The following TET3 variants were observed in gnomAD, a reference collection of about 807,000 sequenced individuals.
The protein encoded by TET3 is methylcytosine dioxygenase TET3.
In TET3, 19 loss-of-function variants were observed where a neutral mutation model predicts 141.4. The observed-to-expected ratio is 0.13, with a 90% confidence interval of 0.09 to 0.20. The LOEUF (loss-of-function observed/expected upper bound fraction) is 0.20. TET3 is among the 10% of genes least tolerant of loss of function. TET3 has a pLI of 1.00. For synonymous variants in TET3, 1,043 were observed against 980.9 expected (o/e 1.06, Z -1.18); for missense variants, 1,874 against 2,356.9 (o/e 0.80, Z 4.24).
At chr2:74,050,130 A>G (rs1041532849) in intron 4 of TET3, among the ~76,000 whole-genome samples, 1 of 152,182 alleles carries the variant, frequency 6.6e-6, no homozygotes, top group Non-Finnish European at 1.5e-5. Context: ...TCCTTAGCCA[A>G]TATTTTAATT....
chr2:74,070,425 A>C (rs1041815110), intron 4 of TET3, among the ~76,000 whole-genome samples: 4 of 152,192 alleles, frequency 2.6e-5, no homozygotes, highest in East Asian at 1.9e-4. Flanking sequence ...TGATTCAGTT[A>C]TCTCTCACTG....
chr2:74,115,431 G>A, the TET3 span, among the ~76,000 whole-genome samples: 1 of 152,142 alleles, frequency 6.6e-6, no homozygotes, highest in Non-Finnish European at 1.5e-5. Context: ...GGGGAGGATG[G>A]GAGACGACAC....
At chr2:74,096,776 AAAAAGAAAG>A (rs1274459555) in intron 10 of TET3, among the ~76,000 whole-genome samples, 31 of 148,584 alleles carry the variant, frequency 2.1e-4, no homozygotes, top group Non-Finnish European at 3.7e-4. Flanking sequence ...CTCAAAAAAA[AAAAAGAAAG>A]AAAGAAAGAA....
chr2:74,129,568 C>T, the TET3 span, among the ~76,000 whole-genome samples: 1 of 151,362 alleles, frequency 6.6e-6, no homozygotes, highest in Non-Finnish European at 1.5e-5. Context: ...AGCAGGCAGA[C>T]TATAGTGAGC....
chr2:74,073,458 G>A (rs1193066660), intron 4 of TET3, 91 bp from the exon 5 acceptor site: 15 of 876,942 alleles, frequency 1.7e-5, no homozygotes, highest in Non-Finnish European at 2.4e-5. Flanking sequence ...TTTCTAGCAT[G>A]CCTATTAACT....
chr2:74,101,498 A>C lies in TET3; in HGVS notation c.4710A>C (p.Ala1570=). ...GAGAGGAGGGCAGGATTCCAGCCGC[A>C]GGGGCCAGCCAGCTGGACAGGGCCT... The part of the protein sequence containing the change: ...MKGEEGRIPA[A]GASQLDRAWQ... The change falls in exon 12 of 12, where the codon GCA becomes GCC. Residue 1570 remains alanine (A), a synonymous_variant. Coordinates refer to ENST00000409262, the MANE Select transcript of TET3 (RefSeq NM_001287491.2). The surrounding 1 kb of genome is among the most constrained non-coding windows in gnomAD (Gnocchi z 8.5). 1 of 1,612,994 alleles carries C rather than the reference A, an allele frequency of 6.2e-7. No individual in the cohort carries two copies. The highest frequency in any genetic ancestry group is 1.7e-4 in the Middle Eastern group (1 of 6,016).
chr2:74,088,770 A>G (rs1265961359), intron 7 of TET3, among the ~76,000 whole-genome samples: 2 of 152,092 alleles, frequency 1.3e-5, no homozygotes, highest in Non-Finnish European at 2.9e-5. Flanking sequence ...TCACGTACCT[A>G]CCACCACCAC....
rs1242198765 is a variant in TET3 at position 74,100,409 on chromosome 2, T to G, written c.3621T>G (p.Gly1207=). ...ITSDPGLSLK[G]GLSQQGLKPS... is the part of the protein sequence containing the mutation. ...TTTCCCCAGGCCTGTCTCTGAAGGG[T>G]GGATTGTCCCAGCAAGGCCTGAAGC... The change falls in exon 12 of 12, where the codon GGT becomes GGG. Residue 1207 remains glycine (G), a synonymous_variant. Transcript: ENST00000409262. The G allele has an allele frequency of 1.3e-6, 2 of 1,563,776 alleles. No individual in the cohort carries two copies. The highest frequency in any genetic ancestry group is 4.8e-5 in the East Asian group (2 of 41,608).
intron 4 of TET3, among the ~76,000 whole-genome samples, chr2:74,059,686 A>G (rs1688399251): frequency 6.6e-6 from 1 of 152,194 alleles, no homozygotes; most frequent in South Asian, 2.1e-4. Context: ...AGCTGGGACT[A>G]CAGGCACATG....
chr2:74,044,535 T>C (rs924610631), intron 3 of TET3, among the ~76,000 whole-genome samples: 1 of 152,170 alleles, frequency 6.6e-6, no homozygotes, highest in Non-Finnish European at 1.5e-5. Flanking sequence ...ACATGATGGG[T>C]TGCTAAAACA....
chr2:74,108,293 T>TAATA (rs991996918), downstream of TET3: 1 of 153,788 alleles, frequency 6.5e-6, no homozygotes, highest in African/African-American at 2.4e-5. Flanking sequence ...AAGCCCTCAC[T>TAATA]AATAGCAGCA....
At chr2:74,131,568 C>G in the TET3 span, among the ~76,000 whole-genome samples, 1 of 152,174 alleles carries the variant, frequency 6.6e-6, no homozygotes, top group Non-Finnish European at 1.5e-5. Flanking sequence ...CTGAGGGGCA[C>G]TACAGGAACC....
rs373691370 is a variant in TET3, at chr2:74,100,446, G to A, written c.3658G>A (p.Val1220Met). The change falls in exon 12 of 12, where the codon GTG becomes ATG. Residue 1220 changes from valine (V) to methionine (M), a missense_variant. Coordinates refer to ENST00000409262, the MANE Select transcript of TET3 (RefSeq NM_001287491.2). The stretch of plus-strand genomic sequence containing the variant: ...GCAAGGCCTGAAGCCCTCCCTCAAG[G>A]TGGAGCCGCAGAACCACTTCAGCTC... ...SQQGLKPSLK[V>M]EPQNHFSSFK... 1.3e-5 allele frequency: 21 copies of A among 1,580,478 alleles called. No individual in the cohort carries two copies. Among genetic ancestry groups the A allele is most frequent in the African/African-American group, 2.7e-5 (2 of 74,010 alleles).
At chr2:74,030,248 A>G (rs578032267) in intron 3 of TET3, among the ~76,000 whole-genome samples, 55 of 152,318 alleles carry the variant, frequency 3.6e-4, no homozygotes, top group Non-Finnish European at 6.9e-4. Flanking sequence ...ACTTATTTTC[A>G]CTTTTTAAAA....
chr2:74,032,800 G>A (rs1273917089), intron 3 of TET3, among the ~76,000 whole-genome samples: 1 of 152,196 alleles, frequency 6.6e-6, no homozygotes, highest in East Asian at 1.9e-4. Context: ...CCCACCTGCT[G>A]CAGGGGAGCG....
At chr2:74,038,533 G>A (rs1687185176) in intron 3 of TET3, among the ~76,000 whole-genome samples, 1 of 152,096 alleles carries the variant, frequency 6.6e-6, no homozygotes, top group African/African-American at 2.4e-5. Flanking sequence ...TAGCACCTTG[G>A]GCTTCTCTGG....
chr2:74,008,142 A>G (rs1051047055), intron 3 of TET3, among the ~76,000 whole-genome samples: 5 of 151,970 alleles, frequency 3.3e-5, no homozygotes, highest in East Asian at 3.9e-4. Flanking sequence ...ATGCCTCCCC[A>G]CCCCTTCTGG....
chr2:74,052,681 C>T (rs115735433), intron 4 of TET3, among the ~76,000 whole-genome samples: 1,866 of 151,944 alleles, frequency 0.012, 21 homozygotes, highest in Non-Finnish European at 0.02. Flanking sequence ...ACCACCCTGG[C>T]CAGTATGGTG....
At chr2:74,114,769 G>A in the TET3 span, among the ~76,000 whole-genome samples, 5 of 147,048 alleles carry the variant, frequency 3.4e-5, no homozygotes, top group East Asian at 8.1e-4. Context: ...CAGGAAAATC[G>A]TTTGAACCCA....
Sources: allele counts gnomAD v4.1 joint callset (sites outside exome capture counted in the v4.1 genomes callset), GRCh38; gene constraint gnomAD v4.1.1; non-coding constraint Gnocchi (gnomAD v3.1); transcripts MANE v1.5; gene names NCBI Gene and HGNC (gene_info 2026-07-23, HGNC 2026-07-21).